The following LRP1B variants were observed in gnomAD, a reference collection of about 807,000 sequenced individuals.
The protein encoded by LRP1B is low-density lipoprotein receptor-related protein 1B.
LRP1B carries 217 observed loss-of-function variants against 556.6 expected under a neutral mutation model. The observed-to-expected ratio is 0.39, with a 90% confidence interval of 0.35 to 0.44. LRP1B has a LOEUF of 0.44. Among genes scored for constraint, LRP1B ranks in the 20% least tolerant of loss-of-function variants. LRP1B has a pLI of 1.00. For missense variants in LRP1B, 5,053 were observed against 5,620.8 expected, an observed-to-expected ratio of 0.90 and a Z score of 3.23; for synonymous variants, 2,047 against 1,865.8, an observed-to-expected ratio of 1.10 and a Z score of -2.50.
intron 2 of LRP1B, among the ~76,000 whole-genome samples, chr2:141,607,431 T>C (rs1263638303): frequency 6.6e-6 from 1 of 152,146 alleles, no homozygotes; most frequent in African/African-American, 2.4e-5. Flanking sequence ...TGATCTCTAG[T>C]AGATAGTAGT....
chr2:141,128,213 C>T (rs1701264282), intron 7 of LRP1B, among the ~76,000 whole-genome samples: 1 of 152,048 alleles, frequency 6.6e-6, no homozygotes, highest in South Asian at 2.1e-4. Context: ...TTATGTATGT[C>T]TTTTTAGATT....
At chr2:141,288,250 T>C (rs955282822) in intron 3 of LRP1B, among the ~76,000 whole-genome samples, 9 of 149,714 alleles carry the variant, frequency 6.0e-5, no homozygotes, top group Non-Finnish European at 3.0e-5. Flanking sequence ...AAAAAAAAAA[T>C]TTGTTTTCAA....
chr2:140,619,443 A>C (rs1683376338), intron 41 of LRP1B, among the ~76,000 whole-genome samples: 1 of 152,196 alleles, frequency 6.6e-6, no homozygotes, highest in Admixed American at 6.5e-5. Context: ...GCCAAGATGG[A>C]TAATGGAATA....
At chr2:140,841,365 G>A (rs1692099982) in intron 29 of LRP1B, among the ~76,000 whole-genome samples, 1 of 152,096 alleles carries the variant, frequency 6.6e-6, no homozygotes, top group Non-Finnish European at 1.5e-5. Context: ...ACACTTAGGA[G>A]CAAACACAGG....
At chr2:140,279,322 GAA>G (rs1260713640) in intron 84 of LRP1B, among the ~76,000 whole-genome samples, 1 of 151,954 alleles carries the variant, frequency 6.6e-6, no homozygotes, top group African/African-American at 2.4e-5. Flanking sequence ...GCAAGTCCAG[GAA>G]AGAGTTTGAA....
intron 3 of LRP1B, among the ~76,000 whole-genome samples, chr2:141,372,210 T>C (rs1689252595): frequency 6.6e-6 from 1 of 152,152 alleles, no homozygotes; most frequent in African/African-American, 2.4e-5. Context: ...TATTGAATCA[T>C]CCTTGCATCT....
intron 2 of LRP1B, among the ~76,000 whole-genome samples, chr2:141,790,456 G>T (rs1344640164): frequency 6.6e-6 from 1 of 151,928 alleles, no homozygotes; most frequent in African/African-American, 2.4e-5. Context: ...CCTGGAGGCT[G>T]CTGTGGGGTG....
chr2:140,712,317 G>C (rs1687060396), intron 37 of LRP1B, among the ~76,000 whole-genome samples: 1 of 152,004 alleles, frequency 6.6e-6, no homozygotes, highest in Admixed American at 6.6e-5. Context: ...TTAAATATTT[G>C]CTTGATCTCT....
chr2:140,869,955 G>A (rs1037130408), intron 25 of LRP1B, among the ~76,000 whole-genome samples: 1 of 152,024 alleles, frequency 6.6e-6, no homozygotes, highest in African/African-American at 2.4e-5. Context: ...GTTCATGGAA[G>A]CTGCCTTTCA....
chr2:140,893,177 A>AAG (rs1693851229), intron 23 of LRP1B, among the ~76,000 whole-genome samples: 1 of 152,210 alleles, frequency 6.6e-6, no homozygotes, highest in African/African-American at 2.4e-5. Context: ...TAAAGAGAGG[A>AAG]AGAGAGATCA....
intron 2 of LRP1B, among the ~76,000 whole-genome samples, chr2:141,675,932 A>G (rs1159277402): frequency 2.6e-5 from 4 of 151,948 alleles, no homozygotes. Flanking sequence ...AGGCTTGGAG[A>G]GCTTCTATCA....
chr2:140,599,903 G>A lies in LRP1B; in HGVS notation c.6990-1068C>T, dbSNP rs115457844. ...CTTAGAGAACCTAACTTTGATTTGC[G>A]ATTTAGGATTTCATTTTAAAATATC... On this transcript the variant is annotated intron_variant, in intron 42 of 90. Transcript: ENST00000389484. 9.2e-3 allele frequency among the ~76,000 whole-genome samples: 1,393 copies of A among 152,074 alleles called. 19 individuals carry two copies. Among genetic ancestry groups the A allele is most frequent in the Middle Eastern group, 0.041 (12 of 292 alleles).
intron 83 of LRP1B, among the ~76,000 whole-genome samples, chr2:140,308,740 T>A (rs1414641015): frequency 6.6e-6 from 1 of 151,884 alleles, no homozygotes; most frequent in African/African-American, 2.4e-5. Context: ...AATAGCAGTA[T>A]TTAAGTGACA....
At chr2:141,689,332 G>T (rs1350059850) in intron 2 of LRP1B, among the ~76,000 whole-genome samples, 1 of 151,682 alleles carries the variant, frequency 6.6e-6, no homozygotes, top group East Asian at 1.9e-4. Context: ...TCTAATTCAG[G>T]TCACTCTGCC....
chr2:141,944,231 G>T (rs565096736), intron 1 of LRP1B, among the ~76,000 whole-genome samples: 2 of 152,296 alleles, frequency 1.3e-5, no homozygotes, highest in East Asian at 1.9e-4. Flanking sequence ...AGATGGTGAT[G>T]ATACACACTA....
At chr2:141,388,742 A>C (rs11897161) in intron 3 of LRP1B, among the ~76,000 whole-genome samples, 2,275 of 152,294 alleles carry the variant, frequency 0.015, 50 homozygotes, top group African/African-American at 0.051. Context: ...GATGATATGA[A>C]CCAATATGTA....
chr2:141,868,379 G>A (rs1350765932), intron 1 of LRP1B, among the ~76,000 whole-genome samples: 2 of 152,060 alleles, frequency 1.3e-5, no homozygotes, highest in Non-Finnish European at 2.9e-5. Flanking sequence ...TGTTGTCTCT[G>A]TTCAAAGCAT....
At chr2:140,666,846 C>T (rs1685294105) in intron 41 of LRP1B, among the ~76,000 whole-genome samples, 1 of 152,192 alleles carries the variant, frequency 6.6e-6, no homozygotes, top group African/African-American at 2.4e-5. Context: ...ACTTCCTGTT[C>T]TGCCATCAGA....
chr2:140,883,693 A>G lies in LRP1B; in HGVS notation c.4169+124T>C. On this transcript the variant is annotated intron_variant, in intron 25 of 90. Coordinates refer to ENST00000389484, the MANE Select transcript of LRP1B (RefSeq NM_018557.3). ...CCCCACCTCCCCGCCCCCGCCACAC[A>G]CACACATACATGGGCACAAAATAAC... 7 of 354,532 alleles carry G rather than the reference A, an allele frequency of 2.0e-5. 1 individual carries two copies. The South Asian group carries it at 2.3e-4, about 12-fold the overall frequency. The allele number at this position is 354,532 out of a possible 1,614,324, so 22.0% of individuals were successfully genotyped here.
Sources: allele counts gnomAD v4.1 joint callset (sites outside exome capture counted in the v4.1 genomes callset), GRCh38; gene constraint gnomAD v4.1.1; transcripts MANE v1.5; gene names NCBI Gene and HGNC (gene_info 2026-07-23, HGNC 2026-07-21).